RBM39: variants seen among roughly 807,000 people sequenced by gnomAD.
RBM39 encodes the protein RNA binding motif protein 39, also known as RNA-binding protein 39.
Under a neutral mutation model 79.6 loss-of-function variants are expected in RBM39, and 12 were observed. The observed-to-expected ratio is 0.15, with a 90% CI of 0.10 to 0.24. RBM39 has a LOEUF of 0.24. RBM39 is among the 10% of genes least tolerant of loss of function. The probability of loss-of-function intolerance (pLI) is 1.00; values close to 1 mark genes in which losing one functional copy is unlikely to be tolerated. For missense variants in RBM39, 243 were observed against 653.4 expected, an observed-to-expected ratio of 0.37 and a Z score of 6.85; for synonymous variants, 185 against 208.4, an observed-to-expected ratio of 0.89 and a Z score of 0.97.
At chr20:35,735,050 TAAG>T (rs1398954434) in intron 3 of RBM39, 2 of 1,575,700 alleles carry the variant, frequency 1.3e-6, no homozygotes, top group East Asian at 2.2e-5. Flanking sequence ...CTCTTCCATG[TAAG>T]AAGATCTAAA....
At chr20:35,723,811 C>T (rs2038304180) in intron 8 of RBM39, among the ~76,000 whole-genome samples, 1 of 152,184 alleles carries the variant, frequency 6.6e-6, no homozygotes, top group Non-Finnish European at 1.5e-5. Context: ...GAGGCCCAGG[C>T]CAGAGGATCA....
chr20:35,741,900 G>A, intron 1 of RBM39, 41 bp downstream of exon 1: 1 of 166,626 alleles, frequency 6.0e-6, no homozygotes, highest in South Asian at 1.0e-4. Context: ...GCCAAACCTC[G>A]AGAAAGCTGA....
intron 14 of RBM39, 70 bp downstream of exon 14, chr20:35,707,050 A>AAAT (rs1568985925): frequency 2.0e-5 from 14 of 700,932 alleles, no homozygotes; most frequent in Admixed American, 3.8e-5. Context: ...AAAAAAAAAA[A>AAAT]AGAGAAATAT....
At chr20:35,720,604 TAA>T (rs61224365) in intron 9 of RBM39, among the ~76,000 whole-genome samples, 52 of 130,814 alleles carry the variant, frequency 4.0e-4, no homozygotes, top group Admixed American at 5.5e-4. Context: ...GCCCTGTCTC[TAA>T]AAAAAAAAAA....
rs754904872 is a variant in RBM39 at position 35,703,191 on chromosome 20, T to C, written c.*1290A>G. The C allele has an allele frequency of 6.6e-5, 10 of 152,158 alleles. No homozygotes were observed. Among genetic ancestry groups the C allele is most frequent in the Non-Finnish European group, 1.0e-4 (7 of 68,034 alleles). 9.4% of individuals were successfully genotyped at this position (152,158 alleles called of 1,614,324 possible). On this transcript the variant is annotated 3_prime_UTR_variant, in exon 17 of 17. Coordinates refer to ENST00000253363, the MANE Select transcript of RBM39 (RefSeq NM_184234.3). ...GTGACAGCTTGCTTCCCAACTAGTA[T>C]GAAAGCTCAAAACCCCTTAATACAG...
chr20:35,739,003 C>T lies in RBM39; in HGVS notation c.66G>A (p.Leu22=). 6.2e-7 allele frequency: 1 copy of T among 1,613,196 alleles called. No homozygotes were observed. Among genetic ancestry groups the T allele is most frequent in the Non-Finnish European group, 8.5e-7 (1 of 1,179,196 alleles). ...EAPYKKDENK[L]SSANGHEERS... ...GTTCTTCATGGCCGTTGGCACTGCTCAACTTGTTCTCATCCTAAGCAGGGT... is the reference window on the plus strand; with the variant it reads ...GTTCTTCATGGCCGTTGGCACTGCTTAACTTGTTCTCATCCTAAGCAGGGT... The change falls in exon 3 of 17, where the codon TTG becomes TTA. Residue 22 remains leucine, a synonymous_variant. Coordinates refer to ENST00000253363, the MANE Select transcript of RBM39 (RefSeq NM_184234.3).
intron 12 of RBM39, among the ~76,000 whole-genome samples, chr20:35,712,342 A>G (rs373334235): frequency 6.7e-6 from 1 of 148,916 alleles, no homozygotes; most frequent in East Asian, 2.0e-4. Flanking sequence ...CTGAGGCACG[A>G]GAACTGCTTG....
At chr20:35,740,928 C>G in intron 1 of RBM39, 41 bp from the exon 2 acceptor site, 2 of 1,437,398 alleles carry the variant, frequency 1.4e-6, no homozygotes, top group Non-Finnish European at 1.9e-6. Context: ...AAACATTTCT[C>G]TTACAATGTG....
intron 6 of RBM39, among the ~76,000 whole-genome samples, chr20:35,726,801 C>T (rs945331067): frequency 1.3e-5 from 2 of 151,996 alleles, no homozygotes; most frequent in South Asian, 2.1e-4. Context: ...TTGGGGTGGT[C>T]GCTCCACCTG....
At chr20:35,741,244 G>A (rs2040500211) in intron 1 of RBM39, among the ~76,000 whole-genome samples, 1 of 151,128 alleles carries the variant, frequency 6.6e-6, no homozygotes, top group Non-Finnish European at 1.5e-5. Context: ...ATGTTGATGA[G>A]GTTGGTCTCG....
In RBM39 at chr20:35,703,180, C is replaced by T. The variant is rs1390158347; in HGVS notation, c.*1301G>A. ...GAGTATAAATGGTGACAGCTTGCTT[C>T]CCAACTAGTATGAAAGCTCAAAACC... On this transcript the variant is annotated 3_prime_UTR_variant, in exon 17 of 17. Coordinates refer to ENST00000253363, the MANE Select transcript of RBM39 (RefSeq NM_184234.3). 1.3e-5 allele frequency: 2 copies of T among 152,114 alleles called. No homozygotes were observed. 9.4% of individuals were successfully genotyped at this position (152,114 alleles called of 1,614,324 possible).
chr20:35,740,734 C>G, intron 2 of RBM39, 90 bp downstream of exon 2: 1 of 1,395,892 alleles, frequency 7.2e-7, no homozygotes, highest in Admixed American at 1.8e-5. Context: ...CAAGAGGGCT[C>G]CGGGGAGGTT....
intron 10 of RBM39, among the ~76,000 whole-genome samples, chr20:35,714,977 A>G (rs2036922652): frequency 6.6e-6 from 1 of 152,194 alleles, no homozygotes; most frequent in South Asian, 2.1e-4. Context: ...TTGGTGAGCT[A>G]TGTTTCATAA....
chr20:35,732,130 T>C lies in RBM39; in HGVS notation c.107A>G (p.Lys36Arg), dbSNP rs764242192. ...ACTACGACTTCTGCTCTTGCTTTTTTTCCTCCTGAGAAGAAAAAAACTCGC... is the reference window on the plus strand; with the variant it reads ...ACTACGACTTCTGCTCTTGCTTTTTCTCCTCCTGAGAAGAAAAAAACTCGC... ...NGHEERSKKR[K>R]KSKSRSRSHE... The change falls in exon 4 of 17, where the codon AAA becomes AGA. Residue 36 changes from lysine to arginine, a missense_variant. Lys to Arg is a conservative substitution (Grantham distance 26, BLOSUM62 2). Coordinates refer to ENST00000253363, the MANE Select transcript of RBM39 (RefSeq NM_184234.3). 3.7e-6 allele frequency: 6 copies of C among 1,614,028 alleles called. No homozygotes were observed. In the East Asian group the frequency reaches 1.1e-4, roughly 30 times the overall value.
chr20:35,701,786 CG>C lies in RBM39; in HGVS notation c.*2694del, dbSNP rs1163667020. ...AAAAAATTTGTATTCTTAGTAGAGA[CG>C]GGGTTTCACTGTGTTGGCCAGGCTG... On this transcript the variant is annotated 3_prime_UTR_variant, in exon 17 of 17. Coordinates refer to ENST00000253363, the MANE Select transcript of RBM39 (RefSeq NM_184234.3). The C allele has an allele frequency of 2.6e-5, 4 of 151,686 alleles. No homozygotes were observed. The highest frequency in any genetic ancestry group is 1.3e-4 in the Admixed American group (2 of 15,202). 9.4% of individuals were successfully genotyped at this position (151,686 alleles called of 1,614,324 possible).
At chr20:35,740,060 T>C (rs1316607519) in intron 2 of RBM39, 1 of 156,810 alleles carries the variant, frequency 6.4e-6, no homozygotes, top group Non-Finnish European at 1.4e-5. Flanking sequence ...TTCCTTTGTT[T>C]TTAGTGTGAA....
intron 10 of RBM39, among the ~76,000 whole-genome samples, chr20:35,715,724 C>T (rs2037029339): frequency 6.6e-6 from 1 of 152,066 alleles, no homozygotes; most frequent in South Asian, 2.1e-4. Flanking sequence ...ATCCTTGTCC[C>T]CTCTAAACCT....
At chr20:35,712,137 A>G (rs2036493449) in intron 12 of RBM39, among the ~76,000 whole-genome samples, 1 of 152,050 alleles carries the variant, frequency 6.6e-6, no homozygotes, top group South Asian at 2.1e-4. Flanking sequence ...ATCCTATCCT[A>G]TCTCCCAGAT....
rs1260972681 is a variant in RBM39, at chr20:35,732,104, G to A, written c.133C>T (p.His45Tyr). Residue 45 changes from histidine to tyrosine, a missense_variant, in exon 4 of 17, where the codon CAT becomes TAT. Around this residue, in one of 4 missense-constraint regions of RBM39, gnomAD observed 115 missense variants for 184.1 expected, o/e 0.62. Transcript: ENST00000253363. The part of the protein sequence containing the change: ...RKKSKSRSRS[H>Y]ERKRSKSKER... ...TTACTTTTGCTTCTCTTTCGTTCAT[G>A]ACTACGACTTCTGCTCTTGCTTTTT... 2 of 1,613,582 alleles carry A rather than the reference G, an allele frequency of 1.2e-6. No individual in the cohort carries two copies. Among genetic ancestry groups the A allele is most frequent in the East Asian group, 4.5e-5 (2 of 44,878 alleles).
Sources: gnomAD v4.1 joint callset for allele counts (sites outside exome capture counted in the v4.1 genomes callset) on GRCh38, gnomAD v4.1.1 for gene constraint, gnomAD v4.1.1 regional missense constraint, MANE v1.5 for transcripts, NCBI Gene and HGNC (gene_info 2026-07-23, HGNC 2026-07-21) for gene names.